The following PFKFB2 variants were observed in gnomAD, a reference collection of about 807,000 sequenced individuals.
PFKFB2 encodes 6-phosphofructo-2-kinase/fructose-2,6-bisphosphatase 2.
In PFKFB2, 53 loss-of-function variants were observed where a neutral mutation model predicts 68.0. The ratio of observed to expected loss-of-function variants is 0.78; its 90% CI spans 0.63 to 0.98. The LOEUF (loss-of-function observed/expected upper bound fraction) is 0.98, where lower values mean the gene tolerates loss of function less well. PFKFB2 is among the 50% of genes least tolerant of loss of function. The pLI is 0.00. For missense variants in PFKFB2, 451 were observed against 642.0 expected, an observed-to-expected ratio of 0.70 and a Z score of 3.22; for synonymous variants, 222 against 227.6, an observed-to-expected ratio of 0.98 and a Z score of 0.22.
chr1:207,057,773 T>A (rs950881159), intron 2 of PFKFB2, among the ~76,000 whole-genome samples: 2 of 152,238 alleles, frequency 1.3e-5, no homozygotes, highest in Non-Finnish European at 2.9e-5. Flanking sequence ...TTTCCTTTTT[T>A]ATTTTTTTAA....
chr1:207,042,095 C>G (rs1197640229), intron 1 of PFKFB2: 1 of 152,114 alleles, frequency 6.6e-6, no homozygotes, highest in Non-Finnish European at 1.5e-5. Flanking sequence ...AAATCTAATT[C>G]ATCTTTTATA....
rs1683401379 is a variant in PFKFB2, at chr1:207,069,446, A to G, written c.1010A>G (p.Tyr337Cys). ...IDAGVCEEMT[Y>C]AEIEKRYPEE... is the part of the protein sequence containing the mutation. ...CAGGGTGTGTGTGAAGAGATGACCT[A>G]TGCAGAGATTGAGAAACGGTACCCA... The change falls in exon 11 of 15, where the codon TAT becomes TGT. Residue 337 changes from tyrosine (Y) to cysteine (C), a missense_variant. Coordinates refer to ENST00000367080, the MANE Select transcript of PFKFB2 (RefSeq NM_006212.2). 1.2e-6 allele frequency: 2 copies of G among 1,613,906 alleles called. No individual in the cohort carries two copies. The highest frequency in any genetic ancestry group is 8.5e-7 in the Non-Finnish European group (1 of 1,179,770).
chr1:207,056,483 A>G lies in PFKFB2; in HGVS notation c.85+1681A>G, dbSNP rs547307464. On this transcript the variant is annotated intron_variant, in intron 2 of 14. Coordinates refer to ENST00000367080, the MANE Select transcript of PFKFB2 (RefSeq NM_006212.2). ...TCGATAATTGTGGGAGTCTCTGACTACACGATGCCATGTGTCAGTCCTTCT... is the reference window on the plus strand; with the variant it reads ...TCGATAATTGTGGGAGTCTCTGACTGCACGATGCCATGTGTCAGTCCTTCT... 2.2e-3 allele frequency among the ~76,000 whole-genome samples: 329 copies of G among 151,490 alleles called. 3 individuals carry two copies. The highest frequency in any genetic ancestry group is 6.7e-3 in the African/African-American group (274 of 41,198).
At chr1:207,046,564 A>C (rs962337243) in intron 2 of PFKFB2, 2 of 152,122 alleles carry the variant, frequency 1.3e-5, no homozygotes, top group Admixed American at 6.5e-5. Context: ...AAATTTCAGC[A>C]GACTAAAGAG....
In PFKFB2 at chr1:207,072,486, C is replaced by A; in HGVS notation, c.*115C>A. ...CATTAACTTCCTCCCTCTATGCCCA[C>A]CCCTGACACTTCACCATTAATCTTA... On this transcript the variant is annotated 3_prime_UTR_variant, in exon 15 of 15. Coordinates refer to ENST00000367080, the MANE Select transcript of PFKFB2 (RefSeq NM_006212.2). 1.4e-6 allele frequency: 2 copies of A among 1,478,328 alleles called. No homozygotes were observed. The highest frequency in any genetic ancestry group is 5.3e-5 in the Admixed American group (2 of 37,996). 91.6% of individuals were successfully genotyped at this position (1,478,328 alleles called of 1,614,324 possible).
intron 1 of PFKFB2, among the ~76,000 whole-genome samples, chr1:207,054,305 C>G (rs1029738268): frequency 6.6e-6 from 1 of 152,162 alleles, no homozygotes; most frequent in Non-Finnish European, 1.5e-5. Context: ...TGCCACTACT[C>G]TGCCCAGATT....
intron 2 of PFKFB2, chr1:207,044,171 G>A (rs1682537531): frequency 6.6e-6 from 1 of 152,324 alleles, no homozygotes; most frequent in Non-Finnish European, 1.5e-5. Flanking sequence ...CTTTACTTGT[G>A]GTTTTCTTTT....
chr1:207,049,442 ACT>A, upstream of PFKFB2: 1 of 1,613,970 alleles, frequency 6.2e-7, no homozygotes, highest in Non-Finnish European at 8.5e-7. Flanking sequence ...CAGTCACAGT[ACT>A]CTTGATTTGT....
chr1:207,038,944 G>T (rs1211065258), intron 1 of PFKFB2, among the ~76,000 whole-genome samples: 2 of 152,134 alleles, frequency 1.3e-5, no homozygotes, highest in African/African-American at 4.8e-5. Flanking sequence ...CAATCTTGAG[G>T]TATTTGACAC....
intron 2 of PFKFB2, among the ~76,000 whole-genome samples, chr1:207,058,667 A>G (rs984699468): frequency 1.3e-5 from 2 of 151,970 alleles, no homozygotes; most frequent in African/African-American, 4.8e-5. Context: ...GCTAATTTTT[A>G]TATTTTTAGT....
chr1:207,049,287 C>A, upstream of PFKFB2: 2 of 1,614,096 alleles, frequency 1.2e-6, no homozygotes, highest in South Asian at 1.1e-5. Context: ...CATAAATAAG[C>A]AGAACCCTTT....
intron 1 of PFKFB2, among the ~76,000 whole-genome samples, chr1:207,036,702 A>G (rs1289281190): frequency 6.6e-6 from 1 of 152,142 alleles, no homozygotes; most frequent in Non-Finnish European, 1.5e-5. Flanking sequence ...TGTCAGTACA[A>G]CAACAACAAA....
intron 2 of PFKFB2, chr1:207,045,126 A>G (rs1237540613): frequency 6.6e-6 from 1 of 152,484 alleles, no homozygotes; most frequent in Non-Finnish European, 1.5e-5. Flanking sequence ...CCACTTGTAT[A>G]TGACACGTTT....
rs1683330964 is a variant in PFKFB2, at chr1:207,067,568, C to T, written c.702C>T (p.Ile234=). ...TAGTCAACAGAGTCCAGGACTACAT[C>T]CAGAGCAAGATAGTCTACTACCTCA... ...RFLVNRVQDY[I]QSKIVYYLMN... Residue 234 remains isoleucine (I), a synonymous_variant, in exon 9 of 15, where the codon ATC becomes ATT. Transcript: ENST00000367080. The T allele has an allele frequency of 6.2e-7, 1 of 1,613,720 alleles. No individual in the cohort carries two copies. The highest frequency in any genetic ancestry group is 8.5e-7 in the Non-Finnish European group (1 of 1,179,724).
At chr1:207,043,803 C>T (rs554459651) in intron 2 of PFKFB2, 1 of 152,650 alleles carries the variant, frequency 6.6e-6, no homozygotes, top group African/African-American at 2.4e-5. Flanking sequence ...AGTAAAATAG[C>T]CGTTCAGTGG....
Position 207,063,908 on chromosome 1 carries a change from TGTGTG to T in PFKFB2, c.507+80_507+84del. 1 of 1,024,570 alleles carries T rather than the reference TGTGTG, an allele frequency of 9.8e-7. No homozygotes were observed. The highest frequency in any genetic ancestry group is 1.5e-6 in the Non-Finnish European group (1 of 648,210). The allele number at this position is 1,024,570 out of a possible 1,614,324, so 63.5% of individuals were successfully genotyped here. A position where few individuals can be genotyped will look rare whatever the true frequency, so the allele number is the denominator to read the frequency against. On this transcript the variant is annotated intron_variant, in intron 7 of 14. Coordinates refer to ENST00000367080, the MANE Select transcript of PFKFB2 (RefSeq NM_006212.2). This position sits in a 1 kb window ranked among gnomAD's most constrained non-coding sequence, Gnocchi z 4.1. The stretch of plus-strand genomic sequence containing the variant: ...TGTGGGGTGTGTGTGTGTGTGTGTG[TGTGTG>T]TGTTGTTGGGGAGGGGTGTTTTCGT...
chr1:207,073,143 T>A lies in PFKFB2; in HGVS notation c.*772T>A, dbSNP rs1453985466. 1 of 985,406 alleles carries A rather than the reference T, an allele frequency of 1.0e-6. No homozygotes were observed. The highest frequency in any genetic ancestry group is 1.1e-4 in the East Asian group (1 of 8,832). The allele number at this position is 985,406 out of a possible 1,614,324, so 61.0% of individuals were successfully genotyped here. A position where few individuals can be genotyped will look rare whatever the true frequency, so the allele number is the denominator to read the frequency against. ...CTTGCCTCCTTTCATGAGAAACAGT[T>A]CTAAGTCTTCGATGCCCTGGGAGAA... On this transcript the variant is annotated 3_prime_UTR_variant, in exon 15 of 15. Transcript: ENST00000367080.
intron 7 of PFKFB2, among the ~76,000 whole-genome samples, 187 bp downstream of exon 7, chr1:207,064,016 A>G (rs1683206902): frequency 6.6e-6 from 1 of 152,120 alleles, no homozygotes; most frequent in Non-Finnish European, 1.5e-5. Context: ...TGGTACTTCT[A>G]CACTCTTCTC....
At position 207,036,176 on chromosome 1, in the gene PFKFB2, G is replaced by A. The variant is rs148606497; in HGVS notation, c.-62+1704G>A. Among the ~76,000 whole-genome samples, 501 of 152,266 alleles carry A rather than the reference G, an allele frequency of 3.3e-3. 2 individuals carry two copies. Among genetic ancestry groups the A allele is most frequent in the African/African-American group, 0.01 (417 of 41,536 alleles). ...CTTTGGAGGTCACATTTCAACATGA[G>A]ATTTGGAGGGGACAGAACATTCACA... On this transcript the variant is annotated intron_variant, in intron 1 of 5. Transcript: ENST00000545806.
Sources: gnomAD v4.1 joint callset for allele counts (sites outside exome capture counted in the v4.1 genomes callset) on GRCh38, gnomAD v4.1.1 for gene constraint, Gnocchi (gnomAD v3.1) non-coding constraint, MANE v1.5 for transcripts, NCBI Gene and HGNC (gene_info 2026-07-23, HGNC 2026-07-21) for gene names.